Variants in KAZN observed in about 807,000 individuals in gnomAD.
The protein encoded by KAZN is kazrin.
Under a neutral mutation model 87.4 loss-of-function variants are expected in KAZN, and 40 were observed. The ratio of observed to expected loss-of-function variants is 0.46; its 90% CI spans 0.36 to 0.60. The LOEUF (loss-of-function observed/expected upper bound fraction) is 0.60, where lower values mean the gene tolerates loss of function less well. Ranked by LOEUF, KAZN falls within the 20% of genes least tolerant of loss-of-function variation. The pLI is 0.00. For synonymous variants in KAZN, 466 were observed against 458.3 expected, an observed-to-expected ratio of 1.02 and a Z score of -0.22; for missense variants, 898 against 1,073.9, an observed-to-expected ratio of 0.84 and a Z score of 2.29.
At chr1:14,825,327 C>G (rs1039164928) in intron 1 of KAZN, among the ~76,000 whole-genome samples, 1 of 152,230 alleles carries the variant, frequency 6.6e-6, no homozygotes, top group African/African-American at 2.4e-5. Flanking sequence ...TCTCATCTGT[C>G]CTAGAAAATG....
intron 1 of KAZN, among the ~76,000 whole-genome samples, chr1:14,001,697 C>T (rs935509804): frequency 1.3e-5 from 2 of 152,162 alleles, no homozygotes; most frequent in Admixed American, 6.5e-5. Flanking sequence ...AGAAATAACA[C>T]CATACATCTA....
At chr1:14,070,055 G>A (rs956303668) in intron 1 of KAZN, among the ~76,000 whole-genome samples, 1 of 151,562 alleles carries the variant, frequency 6.6e-6, no homozygotes, top group African/African-American at 2.4e-5. Flanking sequence ...TGTAGTCCCA[G>A]CTACTCGGGA....
At chr1:14,771,034 C>T (rs1645005336) in intron 1 of KAZN, among the ~76,000 whole-genome samples, 1 of 152,170 alleles carries the variant, frequency 6.6e-6, no homozygotes, top group African/African-American at 2.4e-5. Context: ...TCGGGACACC[C>T]ATCCATGTGA....
chr1:13,942,673 A>G (rs1233882520), intron 1 of KAZN, among the ~76,000 whole-genome samples: 1 of 152,136 alleles, frequency 6.6e-6, no homozygotes, highest in African/African-American at 2.4e-5. Flanking sequence ...GCTAGGAAAT[A>G]GGACAAAACA....
intron 2 of KAZN, among the ~76,000 whole-genome samples, chr1:14,374,900 A>G (rs1343379865): frequency 6.6e-6 from 1 of 152,166 alleles, no homozygotes; most frequent in Non-Finnish European, 1.5e-5. Context: ...AATCTGATTA[A>G]CCAAGAGCGA....
At chr1:13,935,862 A>G (rs1049807733) in intron 1 of KAZN, among the ~76,000 whole-genome samples, 9 of 124,160 alleles carry the variant, frequency 7.2e-5, no homozygotes, top group Admixed American at 4.6e-4. Context: ...TTACATCCTA[A>G]TGTGTGTGTG....
At chr1:14,448,133 G>A (rs956091756) in intron 2 of KAZN, among the ~76,000 whole-genome samples, 1 of 152,192 alleles carries the variant, frequency 6.6e-6, no homozygotes, top group Admixed American at 6.5e-5. Flanking sequence ...GCTGAGACCT[G>A]CTGTAAGCAC....
intron 1 of KAZN, among the ~76,000 whole-genome samples, chr1:14,872,530 C>T (rs1652254784): frequency 6.6e-6 from 1 of 152,230 alleles, no homozygotes; most frequent in Non-Finnish European, 1.5e-5. Flanking sequence ...ATATTCATTG[C>T]ATCCCTTAAT....
chr1:15,048,655 CGGTCCTGGGTCGCT>C (rs1464388676), intron 4 of KAZN, among the ~76,000 whole-genome samples: 12 of 88,328 alleles, frequency 1.4e-4, no homozygotes, highest in East Asian at 4.3e-4. Flanking sequence ...CCTGGGTCGT[CGGTCCTGGGTCGCT>C]GGTCCTGGGT....
intron 2 of KAZN, among the ~76,000 whole-genome samples, chr1:14,233,015 A>G (rs1032986646): frequency 3.3e-5 from 5 of 152,264 alleles, no homozygotes; most frequent in Non-Finnish European, 7.3e-5. Flanking sequence ...TGTAAGCATC[A>G]TCAAATAGTG....
intron 2 of KAZN, among the ~76,000 whole-genome samples, chr1:14,514,485 ATATTT>A (rs1375723793): frequency 9.4e-4 from 3 of 3,202 alleles, no homozygotes; most frequent in African/African-American, 3.5e-3. Flanking sequence ...TTTTATATAA[ATATTT>A]ATATATGTAA....
intron 1 of KAZN, among the ~76,000 whole-genome samples, chr1:14,607,566 G>C (rs1677470034): frequency 6.6e-6 from 1 of 152,196 alleles, no homozygotes; most frequent in African/African-American, 2.4e-5. Flanking sequence ...GAGTTCTGCT[G>C]GACAAAATAT....
At chr1:14,657,326 G>A (rs956731800) in intron 1 of KAZN, among the ~76,000 whole-genome samples, 2 of 152,096 alleles carry the variant, frequency 1.3e-5, no homozygotes, top group Non-Finnish European at 2.9e-5. Context: ...CAGGTGATCT[G>A]CCTGCCTCGG....
chr1:14,950,467 G>A (rs1020023877), intron 1 of KAZN, among the ~76,000 whole-genome samples: 3 of 152,100 alleles, frequency 2.0e-5, no homozygotes, highest in East Asian at 3.9e-4. Flanking sequence ...AGGGAGTGAC[G>A]CCAAGCCTAG....
intron 2 of KAZN, among the ~76,000 whole-genome samples, chr1:14,586,315 C>T (rs527710756): frequency 2.8e-4 from 42 of 152,264 alleles, no homozygotes; most frequent in Admixed American, 1.6e-3. Flanking sequence ...ATCAATCAAA[C>T]GCCACAGTTT....
intron 1 of KAZN, among the ~76,000 whole-genome samples, chr1:13,929,913 G>A (rs12028508): frequency 6.6e-6 from 1 of 152,166 alleles, no homozygotes; most frequent in African/African-American, 2.4e-5. Context: ...TGATAGGTGG[G>A]GAGGCTGAGG....
At chr1:14,929,971 A>G (rs1659621845) in intron 1 of KAZN, 1 of 985,398 alleles carries the variant, frequency 1.0e-6, no homozygotes, top group South Asian at 4.7e-5. Context: ...AGCCCTCATC[A>G]GATGGCATTA....
At chr1:14,123,276 C>T (rs744007) in intron 1 of KAZN, among the ~76,000 whole-genome samples, 83,990 of 151,916 alleles carry the variant, frequency 0.55, 24,302 homozygotes, top group East Asian at 0.74. Context: ...TTTTAAGCTG[C>T]ATTCATGCTG....
chr1:14,462,117 G>C (rs1214625028), intron 2 of KAZN, among the ~76,000 whole-genome samples: 1 of 150,878 alleles, frequency 6.6e-6, no homozygotes, highest in African/African-American at 2.4e-5. Context: ...GAAAGCAAGA[G>C]GAGACTTTTA....
Sources: allele counts gnomAD v4.1 joint callset (sites outside exome capture counted in the v4.1 genomes callset), GRCh38; gene constraint gnomAD v4.1.1; transcripts MANE v1.5; gene names NCBI Gene and HGNC (gene_info 2026-07-23, HGNC 2026-07-21).